SASH1: variants seen among roughly 807,000 people sequenced by gnomAD.
SASH1 encodes SAM and SH3 domain containing 1.
In SASH1, 44 loss-of-function variants were observed where a neutral mutation model predicts 125.2. The ratio of observed to expected loss-of-function variants is 0.35; its 90% CI spans 0.28 to 0.45. The LOEUF (loss-of-function observed/expected upper bound fraction) is 0.45, where lower values mean the gene tolerates loss of function less well. Among genes scored for constraint, SASH1 ranks in the 20% least tolerant of loss-of-function variants. SASH1 has a pLI of 1.00. For missense variants in SASH1, 1,426 were observed against 1,614.5 expected, an observed-to-expected ratio of 0.88 and a Z score of 2.00; for synonymous variants, 639 against 649.1, an observed-to-expected ratio of 0.98 and a Z score of 0.24.
chr6:148,265,915 T>C, the SASH1 span, among the ~76,000 whole-genome samples: 259 of 152,292 alleles, frequency 1.7e-3, 3 homozygotes, highest in Admixed American at 0.012. Flanking sequence ...GTCCCCATAT[T>C]AGAAGTGGTA....
At chr6:148,474,270 G>C in intron 7 of SASH1, 48 bp downstream of exon 7, 1 of 1,229,936 alleles carries the variant, frequency 8.1e-7, no homozygotes, top group South Asian at 1.3e-5. Flanking sequence ...TTGACTTTCT[G>C]AAGTGTAAAA....
chr6:148,295,746 T>C (rs1368201196), intron 1 of SASH1, among the ~76,000 whole-genome samples: 1 of 152,184 alleles, frequency 6.6e-6, no homozygotes, highest in Non-Finnish European at 1.5e-5. Context: ...TGAAGAACGG[T>C]GCAGAATTGT....
Position 148,519,671 on chromosome 6 carries a change from A to G in SASH1, c.987A>G (p.Ser329=), listed in dbSNP as rs756961608. Residue 329 remains serine, a synonymous_variant, in exon 10 of 20, where the codon TCA becomes TCG. Transcript: ENST00000367467. This position sits in a 1 kb window ranked among gnomAD's most constrained non-coding sequence, Gnocchi z 4.8. The part of the protein sequence containing the change: ...GSPEKPPEDD[S]DSLTTSPSSS... ...CTGAGAAACCTCCCGAAGATGACTC[A>G]GACTCTCTCACCACGTCTCCATCCT... is the stretch of plus-strand genomic sequence containing the variant. 94 of 1,614,024 alleles carry G rather than the reference A, an allele frequency of 5.8e-5. 1 individual carries two copies. Among genetic ancestry groups the G allele is most frequent in the Non-Finnish European group, 7.7e-5 (91 of 1,180,036 alleles).
Position 148,544,741 on chromosome 6 carries a change from G to T in SASH1, c.3271G>T (p.Val1091Leu), listed in dbSNP as rs1332066896. The change falls in exon 18 of 20, where the codon GTG becomes TTG. Residue 1091 changes from valine (V) to leucine (L), a missense_variant. Val to Leu is a conservative substitution (Grantham distance 32). Around this residue, in one of 3 missense-constraint regions of SASH1, gnomAD observed 634 missense variants for 694.4 expected, o/e 0.91. Transcript: ENST00000367467. This position sits in a 1 kb window ranked among gnomAD's most constrained non-coding sequence, Gnocchi z 6.4. Reference sequence around the variant, plus strand: ...CAGGAAGGTCTCCTGTGCCCGGGGAGTGGATCTAGAAACGCTCACTGAAAA... The same window carrying T: ...CAGGAAGGTCTCCTGTGCCCGGGGATTGGATCTAGAAACGCTCACTGAAAA... ...LTRKVSCARG[V>L]DLETLTENKL... 2 of 1,608,048 alleles carry T rather than the reference G, an allele frequency of 1.2e-6. No homozygotes were observed. Among genetic ancestry groups the T allele is most frequent in the Admixed American group, 1.7e-5 (1 of 59,004 alleles).
At chr6:148,378,581 A>T (rs745354241) in intron 1 of SASH1, among the ~76,000 whole-genome samples, 16 of 152,106 alleles carry the variant, frequency 1.1e-4, no homozygotes, top group Non-Finnish European at 1.9e-4. Flanking sequence ...GTTGGTCTCA[A>T]ACTCCTGGGC....
chr6:148,290,545 G>GC (rs1383085995), intron 1 of SASH1, among the ~76,000 whole-genome samples: 1 of 152,100 alleles, frequency 6.6e-6, no homozygotes, highest in Non-Finnish European at 1.5e-5. Flanking sequence ...GGCGAAGCTT[G>GC]CAGTGAGCCA....
chr6:148,337,650 C>T (rs1781200641), intron 1 of SASH1, among the ~76,000 whole-genome samples: 1 of 152,196 alleles, frequency 6.6e-6, no homozygotes, highest in Non-Finnish European at 1.5e-5. Context: ...ACGTGAGCCA[C>T]TGTGCCTGGC....
intron 4 of SASH1, among the ~76,000 whole-genome samples, chr6:148,447,270 G>T (rs760040489): frequency 6.6e-6 from 1 of 152,142 alleles, no homozygotes; most frequent in Non-Finnish European, 1.5e-5. Flanking sequence ...TATATAGCAC[G>T]ATGGAAAAGG....
At chr6:148,437,097 G>A (rs1307133112) in intron 2 of SASH1, among the ~76,000 whole-genome samples, 2 of 152,158 alleles carry the variant, frequency 1.3e-5, no homozygotes, top group African/African-American at 4.8e-5. Flanking sequence ...GAGCAGTCAG[G>A]TGCATGGCAC....
At chr6:148,500,693 C>T (rs1376001355) in intron 8 of SASH1, among the ~76,000 whole-genome samples, 1 of 152,136 alleles carries the variant, frequency 6.6e-6, no homozygotes. Context: ...TTGTTTCTTA[C>T]CTTAGTCATG....
intron 2 of SASH1, among the ~76,000 whole-genome samples, chr6:148,425,796 A>G (rs1482267593): frequency 2.7e-5 from 4 of 146,040 alleles, no homozygotes; most frequent in South Asian, 2.3e-4. Context: ...CAATGGCACA[A>G]TCTTGGCTCA....
chr6:148,427,653 A>G (rs892089266), intron 2 of SASH1, among the ~76,000 whole-genome samples: 3 of 152,228 alleles, frequency 2.0e-5, no homozygotes, highest in Admixed American at 1.3e-4. Context: ...CTTGTTTGAC[A>G]TGAGGTGTGG....
intron 4 of SASH1, among the ~76,000 whole-genome samples, chr6:148,447,914 ACT>A (rs987252325): frequency 2.0e-5 from 3 of 151,704 alleles, no homozygotes; most frequent in African/African-American, 7.3e-5. Context: ...TCAGCGGGAT[ACT>A]CTGTCTCCCA....
At chr6:148,425,640 G>A (rs1011320965) in intron 2 of SASH1, among the ~76,000 whole-genome samples, 7 of 151,474 alleles carry the variant, frequency 4.6e-5, no homozygotes, top group Admixed American at 1.3e-4. Flanking sequence ...ATGTCAATTC[G>A]ATATTTAATA....
intron 2 of SASH1, among the ~76,000 whole-genome samples, chr6:148,407,969 G>A (rs991104760): frequency 5.3e-5 from 8 of 151,896 alleles, no homozygotes; most frequent in African/African-American, 1.9e-4. Context: ...TACTGGCTAT[G>A]CCATTTTACA....
At chr6:148,431,663 G>T (rs549162448) in intron 2 of SASH1, among the ~76,000 whole-genome samples, 1 of 151,796 alleles carries the variant, frequency 6.6e-6, no homozygotes, top group Non-Finnish European at 1.5e-5. Context: ...TAGTCCATGT[G>T]TTGACTGCTG....
At chr6:148,500,811 T>C (rs778965000) in intron 8 of SASH1, among the ~76,000 whole-genome samples, 21 of 152,192 alleles carry the variant, frequency 1.4e-4, no homozygotes, top group Admixed American at 2.6e-4. Flanking sequence ...TGTTTTTTCT[T>C]CTTGGGGGGC....
intron 2 of SASH1, among the ~76,000 whole-genome samples, chr6:148,412,227 CTTTTA>C (rs1195330113): frequency 6.6e-6 from 1 of 152,108 alleles, no homozygotes; most frequent in East Asian, 1.9e-4. Flanking sequence ...TAAGAAATCA[CTTTTA>C]TTTTTATTTT....
upstream of SASH1, among the ~76,000 whole-genome samples, chr6:148,270,726 T>G (rs537361159): frequency 3.3e-5 from 5 of 152,302 alleles, no homozygotes; most frequent in African/African-American, 1.2e-4. Flanking sequence ...TACCAGTTCT[T>G]GGTTAATACA....
Sources: gnomAD v4.1 joint callset for allele counts (sites outside exome capture counted in the v4.1 genomes callset) on GRCh38, gnomAD v4.1.1 for gene constraint, gnomAD v4.1.1 regional missense constraint, Gnocchi (gnomAD v3.1) non-coding constraint, MANE v1.5 for transcripts, NCBI Gene and HGNC (gene_info 2026-07-23, HGNC 2026-07-21) for gene names.